Variants in LOC128462377 observed in about 807,000 individuals in gnomAD.
At chr16:89,324,349 A>T in the LOC128462377 span, 1 of 1,086,884 alleles carries the variant, frequency 9.2e-7, no homozygotes. Context: ...GCCTCACAGA[A>T]GAGGGAAAAA....
chr16:89,396,383 C>A, the LOC128462377 span, among the ~76,000 whole-genome samples: 1 of 152,180 alleles, frequency 6.6e-6, no homozygotes, highest in African/African-American at 2.4e-5. Context: ...CCGCACTCGC[C>A]GCAAGAGAGA....
chr16:89,365,052 C>A, the LOC128462377 span, among the ~76,000 whole-genome samples: 2 of 152,182 alleles, frequency 1.3e-5, no homozygotes, highest in East Asian at 3.8e-4. Context: ...GGTAACAAGT[C>A]TGGAAGCCAA....
chr16:89,380,892 G>A, the LOC128462377 span, among the ~76,000 whole-genome samples: 7 of 152,364 alleles, frequency 4.6e-5, no homozygotes, highest in Admixed American at 3.9e-4. Context: ...CTCAGAGGTC[G>A]TGGGCAGAGG....
At chr16:89,398,636 G>A in the LOC128462377 span, among the ~76,000 whole-genome samples, 1 of 152,106 alleles carries the variant, frequency 6.6e-6, no homozygotes, top group South Asian at 2.1e-4. Context: ...CAGATACTCA[G>A]GGGGCTGAGG....
the LOC128462377 span, among the ~76,000 whole-genome samples, chr16:89,347,865 C>G: frequency 5.9e-5 from 9 of 152,044 alleles, no homozygotes; most frequent in African/African-American, 2.2e-4. Flanking sequence ...TCAGAACGTC[C>G]TCCATCAGAC....
chr16:89,324,194 G>A, the LOC128462377 span: 21 of 1,173,498 alleles, frequency 1.8e-5, no homozygotes, highest in Admixed American at 2.7e-4. Flanking sequence ...TGGCAGCACC[G>A]AGAGCGCGTT....
chr16:89,417,384 G>A, the LOC128462377 span, among the ~76,000 whole-genome samples: 4 of 152,192 alleles, frequency 2.6e-5, no homozygotes, highest in Admixed American at 2.6e-4. Context: ...CTCTTCAACT[G>A]CTGTCAATCC....
chr16:89,369,441 G>C, the LOC128462377 span, among the ~76,000 whole-genome samples: 2 of 152,154 alleles, frequency 1.3e-5, no homozygotes, highest in African/African-American at 4.8e-5. Context: ...GCGCCTCCAC[G>C]GCACCAAGCT....
chr16:89,335,818 GA>G, the LOC128462377 span, among the ~76,000 whole-genome samples: 1 of 152,190 alleles, frequency 6.6e-6, no homozygotes, highest in East Asian at 1.9e-4. Context: ...GTTTGACCCA[GA>G]GAGTACCTGT....
At chr16:89,397,457 G>A in the LOC128462377 span, among the ~76,000 whole-genome samples, 1 of 152,212 alleles carries the variant, frequency 6.6e-6, no homozygotes, top group Admixed American at 6.5e-5. Context: ...AGCCACACAG[G>A]GGGACCCACA....
At chr16:89,349,027 C>T in the LOC128462377 span, among the ~76,000 whole-genome samples, 2 of 145,816 alleles carry the variant, frequency 1.4e-5, no homozygotes, top group Admixed American at 7.0e-5. Context: ...ACTCAGGAGG[C>T]TGAGGCAGGA....
At chr16:89,361,114 C>G in the LOC128462377 span, among the ~76,000 whole-genome samples, 1 of 152,192 alleles carries the variant, frequency 6.6e-6, no homozygotes, top group African/African-American at 2.4e-5. Context: ...ACCTGTCAAC[C>G]CAATTACAGA....
chr16:89,408,810 G>A, the LOC128462377 span, among the ~76,000 whole-genome samples: 1 of 152,136 alleles, frequency 6.6e-6, no homozygotes, highest in African/African-American at 2.4e-5. Flanking sequence ...CATTCCTCTT[G>A]TAATAAAAAT....
At chr16:89,333,563 G>T in the LOC128462377 span, among the ~76,000 whole-genome samples, 1 of 152,198 alleles carries the variant, frequency 6.6e-6, no homozygotes, top group Non-Finnish European at 1.5e-5. Context: ...ACTGATCTTT[G>T]TGCTGTCTGC....
At chr16:89,410,958 A>G in the LOC128462377 span, among the ~76,000 whole-genome samples, 3 of 152,318 alleles carry the variant, frequency 2.0e-5, no homozygotes, top group African/African-American at 7.2e-5. Flanking sequence ...CAAAGTCAAC[A>G]TGTTCAGGCT....
At chr16:89,389,252 T>C in the LOC128462377 span, among the ~76,000 whole-genome samples, 2 of 151,978 alleles carry the variant, frequency 1.3e-5, no homozygotes, top group African/African-American at 4.8e-5. Flanking sequence ...CTCAAACTCC[T>C]GGGCTCAAGC....
the LOC128462377 span, chr16:89,317,156 G>T: frequency 1.0e-6 from 1 of 986,100 alleles, no homozygotes; most frequent in South Asian, 1.4e-5. Context: ...GCACTCAACA[G>T]ACTCAGTAAC....
the LOC128462377 span, among the ~76,000 whole-genome samples, chr16:89,317,525 C>T: frequency 6.6e-6 from 1 of 152,158 alleles, no homozygotes; most frequent in Non-Finnish European, 1.5e-5. Flanking sequence ...GTCCACAGCC[C>T]CAGCCTCACG....
the LOC128462377 span, chr16:89,395,558 G>C: frequency 1.3e-5 from 2 of 152,316 alleles, no homozygotes; most frequent in African/African-American, 2.4e-5. Context: ...TCCCAGGAGG[G>C]GACCAATGGG....
Sources: gnomAD v4.1 joint callset for allele counts (sites outside exome capture counted in the v4.1 genomes callset) on GRCh38, gnomAD v4.1.1 for gene constraint, MANE v1.5 for transcripts.